The following GOLGA7B variants were observed in gnomAD, a reference collection of about 807,000 sequenced individuals.
GOLGA7B encodes the protein golgin subfamily A member 7B.
In GOLGA7B, 17 loss-of-function variants were observed where a neutral mutation model predicts 21.5. The ratio of observed to expected loss-of-function variants is 0.79; its 90% CI spans 0.54 to 1.19. GOLGA7B has a LOEUF of 1.19. GOLGA7B is among the 50% of genes most tolerant of loss of function. GOLGA7B has a pLI of 0.00. For missense variants in GOLGA7B, 169 were observed against 224.4 expected (o/e 0.75, Z 1.58); for synonymous variants, 87 against 84.0 (o/e 1.04, Z -0.19).
Position 97,865,744 on chromosome 10 carries a change from G to A in GOLGA7B, c.*44G>A, listed in dbSNP as rs2050014661. ...AGGGAGGTGTATGGCCGGAGTGAGG[G>A]CCTTGCAGACCTGCGGCGGCTGCGC... On this transcript the variant is annotated 3_prime_UTR_variant, in exon 5 of 5. Transcript: ENST00000370602. The A allele has an allele frequency of 1.3e-6, 2 of 1,559,264 alleles. No individual in the cohort carries two copies. The highest frequency in any genetic ancestry group is 1.7e-6 in the Non-Finnish European group (2 of 1,150,418).
intron 1 of GOLGA7B, among the ~76,000 whole-genome samples, chr10:97,854,048 T>C (rs1282911358): frequency 1.3e-5 from 2 of 152,256 alleles, no homozygotes; most frequent in African/African-American, 4.8e-5. Flanking sequence ...GATTTCTGGC[T>C]TCTTTTGAGA....
intron 4 of GOLGA7B, chr10:97,865,172 G>A: frequency 5.4e-6 from 1 of 186,612 alleles, no homozygotes; most frequent in Non-Finnish European, 1.1e-5. Context: ...AACAAGTTAA[G>A]TGACTGGTGT....
At chr10:97,862,341 A>G (rs1011698007) in intron 2 of GOLGA7B, among the ~76,000 whole-genome samples, 3 of 152,318 alleles carry the variant, frequency 2.0e-5, no homozygotes, top group African/African-American at 4.8e-5. Context: ...TGCACAGTCA[A>G]AAATCTGGAT....
At chr10:97,855,560 C>T (rs116278832) in intron 1 of GOLGA7B, among the ~76,000 whole-genome samples, 2,435 of 152,278 alleles carry the variant, frequency 0.016, 66 homozygotes, top group African/African-American at 0.056. Flanking sequence ...TGGCCCCTCA[C>T]CCCAGTCTTG....
intron 1 of GOLGA7B, among the ~76,000 whole-genome samples, chr10:97,857,984 A>G (rs2049946819): frequency 6.6e-6 from 1 of 152,154 alleles, no homozygotes; most frequent in African/African-American, 2.4e-5. Context: ...TGCCTCCTCT[A>G]CAATCTCATC....
In GOLGA7B at chr10:97,867,189, A is replaced by AC. The variant is rs966682467; in HGVS notation, c.*1491dup. 2 of 151,918 alleles carry AC rather than the reference A, an allele frequency of 1.3e-5. No homozygotes were observed. Among genetic ancestry groups the AC allele is most frequent in the African/African-American group, 2.4e-5 (1 of 41,276 alleles). The allele number at this position is 151,918 out of a possible 1,614,324, so 9.4% of individuals were successfully genotyped here. ...GGCTTTGTAGGTGAGGTTTCCATGG[A>AC]CCTTCAAAGGTGCCAGCAGCCTGCA... On this transcript the variant is annotated 3_prime_UTR_variant, in exon 5 of 5. Coordinates refer to ENST00000370602, the MANE Select transcript of GOLGA7B (RefSeq NM_001010917.3).
At chr10:97,861,270 C>T (rs777139303) in intron 2 of GOLGA7B, among the ~76,000 whole-genome samples, 5 of 152,202 alleles carry the variant, frequency 3.3e-5, no homozygotes, top group African/African-American at 9.7e-5. Context: ...TTAAGTGCCC[C>T]GCCTCTCTGC....
At chr10:97,864,829 G>A (rs1163797522) in intron 4 of GOLGA7B, among the ~76,000 whole-genome samples, 1 of 152,188 alleles carries the variant, frequency 6.6e-6, no homozygotes, top group Non-Finnish European at 1.5e-5. Flanking sequence ...TGAGAGGCTG[G>A]ACGGGGGTGG....
chr10:97,862,016 T>C (rs888337656), intron 2 of GOLGA7B, among the ~76,000 whole-genome samples: 1 of 152,180 alleles, frequency 6.6e-6, no homozygotes, highest in East Asian at 1.9e-4. Context: ...TCCTGCTGCA[T>C]GAGTGAGGAA....
Position 97,859,429 on chromosome 10 carries a change from C to T in GOLGA7B, c.13-29C>T, listed in dbSNP as rs139595752. 1.3e-3 allele frequency: 2,046 copies of T among 1,612,076 alleles called. 18 individuals carry two copies. In the African/African-American group the frequency reaches 0.025, roughly 19 times the overall value. ...ATATGCCGAGATGGATGGTCACTCT[C>T]AGCACATGCCGCCCGCACGTCTCCT... is the stretch of plus-strand genomic sequence containing the variant. On this transcript the variant is annotated intron_variant, in intron 1 of 4. Transcript: ENST00000370602.
chr10:97,866,107 A>G lies in GOLGA7B; in HGVS notation c.*407A>G, dbSNP rs981215317. ...CTGCATGACCCCTCATCCCAAACCCATATCCACCAGGACTCTTTCCCTTGG... is the reference window on the plus strand; with the variant it reads ...CTGCATGACCCCTCATCCCAAACCCGTATCCACCAGGACTCTTTCCCTTGG... On this transcript the variant is annotated 3_prime_UTR_variant, in exon 5 of 5. Coordinates refer to ENST00000370602, the MANE Select transcript of GOLGA7B (RefSeq NM_001010917.3). The G allele has an allele frequency of 1.1e-5, 2 of 183,324 alleles. No homozygotes were observed. Among genetic ancestry groups the G allele is most frequent in the African/African-American group, 4.7e-5 (2 of 42,714 alleles). 11.4% of individuals were successfully genotyped at this position (183,324 alleles called of 1,614,324 possible).
At chr10:97,853,226 G>A (rs1032099969) in intron 1 of GOLGA7B, among the ~76,000 whole-genome samples, 5 of 152,196 alleles carry the variant, frequency 3.3e-5, no homozygotes, top group Non-Finnish European at 7.3e-5. Context: ...TGTGACTCAT[G>A]ATCCTCACTC....
chr10:97,865,810 C>T lies in GOLGA7B; in HGVS notation c.*110C>T. The T allele has an allele frequency of 1.5e-6, 1 of 686,564 alleles. No homozygotes were observed. The allele number at this position is 686,564 out of a possible 1,614,324, so 42.5% of individuals were successfully genotyped here. A position where few individuals can be genotyped will look rare whatever the true frequency, so the allele number is the denominator to read the frequency against. ...TTCTGAGTCATTCTTTGGGCTCACC[C>T]TGCTGCCCGGGGTGGGAGGGAGGGT... On this transcript the variant is annotated 3_prime_UTR_variant, in exon 5 of 5. Coordinates refer to ENST00000370602, the MANE Select transcript of GOLGA7B (RefSeq NM_001010917.3).
intron 2 of GOLGA7B, among the ~76,000 whole-genome samples, chr10:97,861,920 A>C (rs1158839072): frequency 6.6e-6 from 1 of 152,042 alleles, no homozygotes; most frequent in African/African-American, 2.4e-5. Context: ...TGTAGGGGGA[A>C]CTCCTAAGCT....
rs1053016030 is a variant in GOLGA7B at position 97,870,768 on chromosome 10, T to C, written c.*5068T>C. 6.6e-6 allele frequency: 1 copy of C among 152,116 alleles called. No homozygotes were observed. The highest frequency in any genetic ancestry group is 1.5e-5 in the Non-Finnish European group (1 of 68,032). 9.4% of individuals were successfully genotyped at this position (152,116 alleles called of 1,614,324 possible). On this transcript the variant is annotated 3_prime_UTR_variant, in exon 5 of 5. Coordinates refer to ENST00000370602, the MANE Select transcript of GOLGA7B (RefSeq NM_001010917.3). ...TGTGTGTGTGTGTGAAAATGTAATG[T>C]CTGCTCTGCTGTGGGTGGGCCCTCT...
chr10:97,854,253 T>C (rs2049921940), intron 1 of GOLGA7B, among the ~76,000 whole-genome samples: 1 of 152,208 alleles, frequency 6.6e-6, no homozygotes, highest in African/African-American at 2.4e-5. Context: ...GCTTGAGCAA[T>C]GATGTAGTTC....
At chr10:97,864,703 C>T (rs912232563) in intron 4 of GOLGA7B, among the ~76,000 whole-genome samples, 3 of 152,166 alleles carry the variant, frequency 2.0e-5, no homozygotes, top group Admixed American at 2.0e-4. Context: ...ATTTACAGGT[C>T]CACAGTCTCA....
chr10:97,851,685 G>C (rs2049906701), intron 1 of GOLGA7B, among the ~76,000 whole-genome samples: 1 of 152,250 alleles, frequency 6.6e-6, no homozygotes. Flanking sequence ...CAGAAAAGGG[G>C]AACTTCAGCT....
chr10:97,850,604 A>G lies in GOLGA7B; in HGVS notation c.12+289A>G, dbSNP rs564699863. Among the ~76,000 whole-genome samples, 9 of 152,196 alleles carry G rather than the reference A, an allele frequency of 5.9e-5. No homozygotes were observed. In the East Asian group the frequency reaches 1.7e-3, roughly 30 times the overall value. On this transcript the variant is annotated intron_variant, in intron 1 of 4. Transcript: ENST00000370602. Reference sequence around the variant, plus strand: ...TGGGGTTTCCCCTTCCCTGGACTTCACAAGTCCTGAAACCGCTTTCCTAGA... The same window carrying G: ...TGGGGTTTCCCCTTCCCTGGACTTCGCAAGTCCTGAAACCGCTTTCCTAGA...
Sources: allele counts gnomAD v4.1 joint callset (sites outside exome capture counted in the v4.1 genomes callset), GRCh38; gene constraint gnomAD v4.1.1; transcripts MANE v1.5; gene names NCBI Gene and HGNC (gene_info 2026-07-23, HGNC 2026-07-21).